LRRC8C: variants seen among roughly 807,000 people sequenced by gnomAD.
LRRC8C encodes volume-regulated anion channel subunit LRRC8C.
In LRRC8C, 20 loss-of-function variants were observed where a neutral mutation model predicts 55.3. The observed-to-expected ratio is 0.36, with a 90% CI of 0.25 to 0.53. The LOEUF is 0.53. LRRC8C is among the 20% of genes least tolerant of loss of function. LRRC8C has a pLI of 0.92. For synonymous variants in LRRC8C, 376 were observed against 360.7 expected, an observed-to-expected ratio of 1.04 and a Z score of -0.48; for missense variants, 659 against 951.4, an observed-to-expected ratio of 0.69 and a Z score of 4.04.
At chr1:89,709,842 C>G (rs1395749297) in intron 2 of LRRC8C, among the ~76,000 whole-genome samples, 1 of 151,466 alleles carries the variant, frequency 6.6e-6, no homozygotes, top group Non-Finnish European at 1.5e-5. Context: ...AGCTCCGCCT[C>G]CCGGGTTCAC....
chr1:89,647,276 G>A (rs1047760453), intron 1 of LRRC8C, among the ~76,000 whole-genome samples: 2 of 152,110 alleles, frequency 1.3e-5, no homozygotes, highest in African/African-American at 2.4e-5. Context: ...GGTTATCAAA[G>A]TGCCTCCTCC....
intron 2 of LRRC8C, among the ~76,000 whole-genome samples, chr1:89,709,972 G>A (rs1658603185): frequency 6.6e-6 from 1 of 152,070 alleles, no homozygotes; most frequent in Admixed American, 6.5e-5. Flanking sequence ...AAGGTGGTCT[G>A]GATCTCCTGA....
chr1:89,628,756 G>T (rs1656036814), upstream of LRRC8C, among the ~76,000 whole-genome samples: 1 of 152,200 alleles, frequency 6.6e-6, no homozygotes, highest in Non-Finnish European at 1.5e-5. Flanking sequence ...TTTCTTTATG[G>T]CCAGCAGTTA....
At chr1:89,640,865 A>G (rs1656437111) in intron 1 of LRRC8C, among the ~76,000 whole-genome samples, 1 of 152,220 alleles carries the variant, frequency 6.6e-6, no homozygotes, top group Non-Finnish European at 1.5e-5. Context: ...TGAAGCAAGA[A>G]TTTGAAAAGA....
At chr1:89,632,254 A>G (rs1656126984), upstream of LRRC8C, 1 of 152,232 alleles carries the variant, frequency 6.6e-6, no homozygotes, top group Non-Finnish European at 1.5e-5. Context: ...CACGGTTCAG[A>G]TCAATCAATG....
chr1:89,700,099 A>G (rs1658277324), intron 2 of LRRC8C, among the ~76,000 whole-genome samples: 1 of 152,096 alleles, frequency 6.6e-6, no homozygotes. Context: ...TTTCCCTTCT[A>G]TTTCTATCCC....
chr1:89,627,640 G>A, the LRRC8C span, among the ~76,000 whole-genome samples: 5 of 152,144 alleles, frequency 3.3e-5, no homozygotes, highest in African/African-American at 7.2e-5. Context: ...CTTTCCTATA[G>A]GATTAAGTAG....
intron 2 of LRRC8C, among the ~76,000 whole-genome samples, chr1:89,708,290 G>A (rs985109203): frequency 8.5e-5 from 13 of 152,122 alleles, no homozygotes; most frequent in African/African-American, 2.2e-4. Context: ...AAGGGGATGC[G>A]GTTGGGCACT....
chr1:89,709,583 G>C (rs746040580), intron 2 of LRRC8C, among the ~76,000 whole-genome samples: 3 of 152,104 alleles, frequency 2.0e-5, no homozygotes, highest in Non-Finnish European at 4.4e-5. Flanking sequence ...GAGCAAGCCC[G>C]GGGGAGGGTT....
chr1:89,663,569 CAAAAAAA>C (rs59206016), intron 1 of LRRC8C, among the ~76,000 whole-genome samples: 1 of 78,110 alleles, frequency 1.3e-5, no homozygotes, highest in Non-Finnish European at 3.1e-5. Flanking sequence ...GACTCTGTCT[CAAAAAAA>C]AAAAAAAAAA....
chr1:89,620,144 T>C, the LRRC8C span, among the ~76,000 whole-genome samples: 1 of 152,226 alleles, frequency 6.6e-6, no homozygotes, highest in African/African-American at 2.4e-5. Context: ...GCTGTCTCTT[T>C]GCTGCATCTT....
chr1:89,637,630 A>T (rs1656327406), intron 1 of LRRC8C, among the ~76,000 whole-genome samples: 2 of 152,082 alleles, frequency 1.3e-5, no homozygotes. Flanking sequence ...AGAGAAACTA[A>T]TGTCACCTTG....
At chr1:89,663,135 C>T (rs1657163106) in intron 1 of LRRC8C, among the ~76,000 whole-genome samples, 1 of 152,174 alleles carries the variant, frequency 6.6e-6, no homozygotes, top group Admixed American at 6.5e-5. Context: ...ATCCATGTCC[C>T]TGCAAAGGAC....
At chr1:89,662,701 C>T (rs1657151893) in intron 1 of LRRC8C, among the ~76,000 whole-genome samples, 2 of 152,024 alleles carry the variant, frequency 1.3e-5, no homozygotes, top group Non-Finnish European at 2.9e-5. Context: ...CCCTAAACTC[C>T]AGTAAGGGAC....
chr1:89,655,757 T>C (rs1656925871), intron 1 of LRRC8C, among the ~76,000 whole-genome samples: 1 of 152,150 alleles, frequency 6.6e-6, no homozygotes, highest in African/African-American at 2.4e-5. Flanking sequence ...CCTAAACAAC[T>C]CTTAAAGATC....
intron 2 of LRRC8C, among the ~76,000 whole-genome samples, chr1:89,694,501 T>G (rs563127467): frequency 5.9e-5 from 9 of 152,014 alleles, no homozygotes; most frequent in Non-Finnish European, 1.2e-4. Flanking sequence ...GCAGGCTGCT[T>G]TGAAACTCCT....
the LRRC8C span, among the ~76,000 whole-genome samples, chr1:89,617,815 G>A: frequency 6.0e-4 from 91 of 152,202 alleles, 1 homozygote; most frequent in South Asian, 0.018. Context: ...ACAACTCACA[G>A]AACTCAAGAA....
intron 1 of LRRC8C, among the ~76,000 whole-genome samples, chr1:89,636,216 T>A (rs753255334): frequency 6.6e-6 from 1 of 152,226 alleles, no homozygotes; most frequent in East Asian, 1.9e-4. Context: ...ACAGCTCTTG[T>A]CACCTAGTAG....
At chr1:89,677,669 A>G (rs4658309) in intron 1 of LRRC8C, among the ~76,000 whole-genome samples, 87,929 of 152,064 alleles carry the variant, frequency 0.58, 26,438 homozygotes, top group South Asian at 0.74. Flanking sequence ...ATTTTCACCC[A>G]TAAAGTAAGG....
Sources: gnomAD v4.1 joint callset for allele counts (sites outside exome capture counted in the v4.1 genomes callset) on GRCh38, gnomAD v4.1.1 for gene constraint, MANE v1.5 for transcripts, NCBI Gene and HGNC (gene_info 2026-07-23, HGNC 2026-07-21) for gene names.